The following TAFA1 variants were observed in gnomAD, a reference collection of about 807,000 sequenced individuals.
TAFA1 encodes chemokine-like protein TAFA-1.
Under a neutral mutation model 18.5 loss-of-function variants are expected in TAFA1, and 4 were observed. The ratio of observed to expected loss-of-function variants is 0.22; its 90% confidence interval spans 0.11 to 0.49. TAFA1 has a LOEUF of 0.49. Among genes scored for constraint, TAFA1 ranks in the 20% least tolerant of loss-of-function variants. TAFA1 has a pLI of 0.98. For synonymous variants in TAFA1, 56 were observed against 55.2 expected, an observed-to-expected ratio of 1.01 and a Z score of -0.06; for missense variants, 147 against 169.0, an observed-to-expected ratio of 0.87 and a Z score of 0.72.
intron 2 of TAFA1, among the ~76,000 whole-genome samples, chr3:68,285,179 T>C (rs886945471): frequency 6.6e-6 from 1 of 152,072 alleles, no homozygotes; most frequent in African/African-American, 2.4e-5. Context: ...GCAAAAAGAG[T>C]TATACTTTAT....
intron 2 of TAFA1, among the ~76,000 whole-genome samples, chr3:68,120,229 CTTTCTTTCTTTCTTTCTTTCTT>C (rs2065379895): frequency 8.3e-6 from 1 of 120,956 alleles, no homozygotes; most frequent in Non-Finnish European, 1.7e-5. Context: ...TTCTTTCTTT[CTTTCTTTCTTTCTTTCTTTCTT>C]TCTTTCTTTC....
At chr3:68,161,100 A>G (rs1253984275) in intron 2 of TAFA1, among the ~76,000 whole-genome samples, 1 of 152,238 alleles carries the variant, frequency 6.6e-6, no homozygotes, top group Non-Finnish European at 1.5e-5. Context: ...TAATGTTATG[A>G]TAATACTTTG....
At chr3:68,516,090 AC>A (rs1338192423) in intron 3 of TAFA1, among the ~76,000 whole-genome samples, 2 of 152,236 alleles carry the variant, frequency 1.3e-5, no homozygotes, top group African/African-American at 4.8e-5. Flanking sequence ...GCAGTGACAT[AC>A]TTTCCTATTT....
chr3:68,041,268 T>A (rs1025639127), intron 2 of TAFA1, among the ~76,000 whole-genome samples: 2 of 152,224 alleles, frequency 1.3e-5, no homozygotes, highest in Non-Finnish European at 2.9e-5. Flanking sequence ...CCTTCTTGCA[T>A]GTAAAATGAC....
intron 2 of TAFA1, among the ~76,000 whole-genome samples, chr3:68,204,139 G>A (rs182907052): frequency 6.6e-6 from 1 of 151,834 alleles, no homozygotes; most frequent in African/African-American, 2.4e-5. Context: ...TCTGGGGACA[G>A]GATTTTGCCC....
intron 2 of TAFA1, among the ~76,000 whole-genome samples, chr3:68,237,540 G>A (rs1424875080): frequency 6.6e-6 from 1 of 152,184 alleles, no homozygotes; most frequent in Non-Finnish European, 1.5e-5. Context: ...AGGCATGTAT[G>A]TATGAATTCA....
chr3:68,528,675 A>G (rs577124370), intron 3 of TAFA1, among the ~76,000 whole-genome samples: 3 of 152,302 alleles, frequency 2.0e-5, no homozygotes, highest in African/African-American at 7.2e-5. Flanking sequence ...CACAAAAGTA[A>G]GTCTGGAGAT....
intron 2 of TAFA1, among the ~76,000 whole-genome samples, chr3:68,106,339 G>A (rs983505885): frequency 6.6e-6 from 1 of 152,126 alleles, no homozygotes; most frequent in South Asian, 2.1e-4. Context: ...CGGCTGTTCT[G>A]TCCAATGCAG....
intron 2 of TAFA1, among the ~76,000 whole-genome samples, chr3:68,216,266 C>G (rs1022706065): frequency 6.6e-6 from 1 of 151,980 alleles, no homozygotes; most frequent in Non-Finnish European, 1.5e-5. Context: ...TGTCAAAACC[C>G]ATTGAACTTG....
intron 2 of TAFA1, among the ~76,000 whole-genome samples, chr3:68,311,414 C>A (rs775057199): frequency 7.2e-5 from 11 of 152,222 alleles, no homozygotes; most frequent in Non-Finnish European, 1.5e-4. Context: ...CAAGCCAACT[C>A]CCTTCCACCT....
intron 2 of TAFA1, among the ~76,000 whole-genome samples, chr3:68,326,983 G>T (rs917577100): frequency 6.6e-6 from 1 of 152,302 alleles, no homozygotes; most frequent in East Asian, 1.9e-4. Context: ...GTAATTCCAA[G>T]TTGTTATGGG....
At chr3:68,461,779 G>T (rs1478346441) in intron 3 of TAFA1, among the ~76,000 whole-genome samples, 1 of 151,880 alleles carries the variant, frequency 6.6e-6, no homozygotes. Flanking sequence ...CAAGACCATA[G>T]ACATGTCCAT....
At chr3:68,481,199 G>A (rs1217811609) in intron 3 of TAFA1, among the ~76,000 whole-genome samples, 2 of 152,166 alleles carry the variant, frequency 1.3e-5, no homozygotes, top group African/African-American at 2.4e-5. Context: ...TGCTGGATTT[G>A]AGACTTGATT....
chr3:68,034,971 A>T (rs903820943), intron 2 of TAFA1, among the ~76,000 whole-genome samples: 3 of 152,230 alleles, frequency 2.0e-5, no homozygotes, highest in Non-Finnish European at 4.4e-5. Flanking sequence ...AATTCTTCTA[A>T]TTTCCACCTG....
At chr3:68,076,982 T>C (rs1328038030) in intron 2 of TAFA1, among the ~76,000 whole-genome samples, 1 of 152,160 alleles carries the variant, frequency 6.6e-6, no homozygotes. Flanking sequence ...GTTTCCTGAC[T>C]TTTTAATGAT....
At chr3:68,109,397 A>T (rs927178383) in intron 2 of TAFA1, among the ~76,000 whole-genome samples, 7 of 152,250 alleles carry the variant, frequency 4.6e-5, no homozygotes, top group Non-Finnish European at 7.4e-5. Context: ...TTTTTTAATC[A>T]ATTATGCCAT....
chr3:68,465,789 T>C (rs544127372), intron 3 of TAFA1, among the ~76,000 whole-genome samples: 19 of 152,174 alleles, frequency 1.2e-4, no homozygotes, highest in Non-Finnish European at 2.2e-4. Context: ...TTGCTCTTAG[T>C]CACATGAACA....
At chr3:68,037,769 GC>G (rs1358906477) in intron 2 of TAFA1, among the ~76,000 whole-genome samples, 1 of 152,176 alleles carries the variant, frequency 6.6e-6, no homozygotes, top group Non-Finnish European at 1.5e-5. Flanking sequence ...AAGGTCTCTG[GC>G]AAGATGCATT....
intron 3 of TAFA1, among the ~76,000 whole-genome samples, chr3:68,508,920 C>T (rs780821795): frequency 6.6e-5 from 10 of 151,780 alleles, no homozygotes; most frequent in Non-Finnish European, 8.8e-5. Flanking sequence ...ATTGAGACAA[C>T]AGAAGGAAGA....
Sources: allele counts gnomAD v4.1 joint callset (sites outside exome capture counted in the v4.1 genomes callset), GRCh38; gene constraint gnomAD v4.1.1; transcripts MANE v1.5; gene names NCBI Gene and HGNC (gene_info 2026-07-23, HGNC 2026-07-21).